CDKL3: variants seen among roughly 807,000 people sequenced by gnomAD.
CDKL3 encodes cyclin-dependent kinase-like 3.
In CDKL3, 65 loss-of-function variants were observed where a neutral mutation model predicts 69.3. The observed-to-expected ratio is 0.94, with a 90% CI of 0.77 to 1.15. CDKL3 has a LOEUF of 1.15. CDKL3 is among the 50% of genes most tolerant of loss of function. The pLI, the probability that CDKL3 is intolerant of heterozygous loss-of-function variation, is 0.00. For synonymous variants in CDKL3, 202 were observed against 221.6 expected, an observed-to-expected ratio of 0.91 and a Z score of 0.79; for missense variants, 652 against 689.2, an observed-to-expected ratio of 0.95 and a Z score of 0.61.
At chr5:134,332,710 T>C (rs1330032705) in intron 4 of CDKL3, among the ~76,000 whole-genome samples, 1 of 152,212 alleles carries the variant, frequency 6.6e-6, no homozygotes, top group East Asian at 1.9e-4. Context: ...TGTAGTATAG[T>C]TTGAAGTCAG....
chr5:134,321,301 C>T (rs991702535), intron 5 of CDKL3, among the ~76,000 whole-genome samples: 4 of 152,064 alleles, frequency 2.6e-5, no homozygotes, highest in Non-Finnish European at 5.9e-5. Context: ...TGTAAGCCAC[C>T]ATGCCCAGCC....
At chr5:134,358,592 ATATT>A (rs111820764) in intron 3 of CDKL3, among the ~76,000 whole-genome samples, 9 of 150,650 alleles carry the variant, frequency 6.0e-5, no homozygotes, top group Admixed American at 1.3e-4. Context: ...CCAGCTTGCT[ATATT>A]TATTTATTTA....
chr5:134,335,649 C>T (rs952790717), intron 4 of CDKL3, among the ~76,000 whole-genome samples: 7 of 152,020 alleles, frequency 4.6e-5, no homozygotes, highest in African/African-American at 1.7e-4. Context: ...GAATATTGGC[C>T]CCCACTCTCT....
At chr5:134,317,535 G>A (rs985250450) in intron 6 of CDKL3, among the ~76,000 whole-genome samples, 22 of 152,112 alleles carry the variant, frequency 1.4e-4, no homozygotes, top group African/African-American at 5.1e-4. Flanking sequence ...AAGGAGGAAG[G>A]ATCACTAGAG....
At chr5:134,366,234 T>C (rs1757399611) in intron 2 of CDKL3, 125 bp downstream of exon 2, 8 of 640,740 alleles carry the variant, frequency 1.2e-5, no homozygotes, top group Middle Eastern at 4.3e-4. Context: ...GTAGATAAGA[T>C]AGAGTATTAC....
At chr5:134,321,964 T>A in intron 4 of CDKL3, 61 bp from the exon 5 acceptor site, 1 of 871,444 alleles carries the variant, frequency 1.1e-6, no homozygotes, top group Non-Finnish European at 1.8e-6. Flanking sequence ...AATATATTCT[T>A]AAAAATATGT....
intron 4 of CDKL3, among the ~76,000 whole-genome samples, chr5:134,323,478 TACA>T (rs1266566209): frequency 1.3e-5 from 2 of 152,146 alleles, no homozygotes; most frequent in African/African-American, 4.8e-5. Context: ...AGATGTTTTA[TACA>T]ACAAGCAAGA....
intron 4 of CDKL3, among the ~76,000 whole-genome samples, chr5:134,349,293 G>T (rs933451313): frequency 2.0e-5 from 3 of 152,006 alleles, no homozygotes; most frequent in African/African-American, 7.3e-5. Context: ...ATTAAATCAG[G>T]TATTAAATTA....
chr5:134,333,935 G>A (rs957340359), intron 4 of CDKL3, among the ~76,000 whole-genome samples: 1 of 152,124 alleles, frequency 6.6e-6, no homozygotes, highest in Non-Finnish European at 1.5e-5. Context: ...GAATCCATCT[G>A]GTCCTGGACT....
chr5:134,290,698 T>G (rs549163257), intron 8 of CDKL3, among the ~76,000 whole-genome samples: 40 of 147,148 alleles, frequency 2.7e-4, no homozygotes, highest in South Asian at 8.6e-4. Context: ...CTGATTTAAG[T>G]TTTTTTTTTT....
At chr5:134,303,673 C>A (rs1045133436) in intron 11 of CDKL3, among the ~76,000 whole-genome samples, 7 of 151,096 alleles carry the variant, frequency 4.6e-5, no homozygotes, top group Non-Finnish European at 8.9e-5. Context: ...GTGGAACCCC[C>A]CCCCCGTCTC....
At chr5:134,352,025 C>A (rs1753425541) in intron 3 of CDKL3, among the ~76,000 whole-genome samples, 1 of 152,032 alleles carries the variant, frequency 6.6e-6, no homozygotes, top group Non-Finnish European at 1.5e-5. Flanking sequence ...TTTTGTATCC[C>A]TTGACCAACA....
rs1429213289 is a variant in CDKL3 at position 134,287,920 on chromosome 5, G to A, written c.*678-1361C>T. On this transcript the variant is annotated intron_variant and NMD_transcript_variant, in intron 8 of 8. Transcript: ENST00000519312. Reference sequence around the variant, plus strand: ...CTTTTTTTTTTTTTTTTGAAATGGCGTTTCACCCTTGTTGCCCAGGCTAGA... The same window carrying A: ...CTTTTTTTTTTTTTTTTGAAATGGCATTTCACCCTTGTTGCCCAGGCTAGA... 2.1e-5 allele frequency among the ~76,000 whole-genome samples: 3 copies of A among 140,848 alleles called. No homozygotes were observed. In the Admixed American group the frequency reaches 2.2e-4, roughly 10 times the overall value. The allele number at this position is 140,848 out of a possible 152,430, so 92.4% of individuals were successfully genotyped here.
intron 2 of CDKL3, among the ~76,000 whole-genome samples, chr5:134,365,796 C>G (rs1757263417): frequency 6.6e-6 from 1 of 152,160 alleles, no homozygotes; most frequent in African/African-American, 2.4e-5. Context: ...GCCCTTTATC[C>G]TTTGTCCTTC....
At chr5:134,371,472 C>G (rs937839247), upstream of CDKL3, 10 of 1,165,564 alleles carry the variant, frequency 8.6e-6, no homozygotes, top group African/African-American at 1.7e-4. Flanking sequence ...GTTTGTCAGT[C>G]TCGGCGGCGG....
At chr5:134,299,616 G>GT in intron 12 of CDKL3, 1 of 1,435,194 alleles carries the variant, frequency 7.0e-7, no homozygotes, top group South Asian at 1.4e-5. Context: ...GCATTTTTGT[G>GT]TATGTAACAT....
intron 4 of CDKL3, among the ~76,000 whole-genome samples, chr5:134,326,650 T>A (rs1774269124): frequency 6.6e-6 from 1 of 151,692 alleles, no homozygotes; most frequent in Non-Finnish European, 1.5e-5. Flanking sequence ...TAGTAAATTT[T>A]TTTTTTTAAG....
intron 12 of CDKL3, chr5:134,299,531 A>C (rs1049493975): frequency 5.0e-6 from 6 of 1,209,246 alleles, no homozygotes; most frequent in Non-Finnish European, 6.4e-6. Flanking sequence ...AAGATTAATA[A>C]ATTTAAAAAC....
rs1425440496 is a variant in CDKL3, at chr5:134,306,479, AG to A, written c.1458+129del. 57 of 618,776 alleles carry A rather than the reference AG, an allele frequency of 9.2e-5. 1 individual carries two copies. The South Asian group carries it at 9.5e-4, about 10-fold the overall frequency. The allele number at this position is 618,776 out of a possible 1,614,324, so 38.3% of individuals were successfully genotyped here. The stretch of plus-strand genomic sequence containing the variant: ...ACCACTGCACTCCAGTCTGGGCAAC[AG>A]AGAGAGATCCTCTCTCAAAAAAACA... On this transcript the variant is annotated intron_variant, in intron 10 of 12. Transcript: ENST00000265334.
Sources: gnomAD v4.1 joint callset for allele counts (sites outside exome capture counted in the v4.1 genomes callset) on GRCh38, gnomAD v4.1.1 for gene constraint, MANE v1.5 for transcripts, NCBI Gene and HGNC (gene_info 2026-07-23, HGNC 2026-07-21) for gene names.